The following GABRB2 variants were observed in gnomAD, a reference collection of about 807,000 sequenced individuals.
GABRB2 encodes gamma-aminobutyric acid receptor subunit beta-2.
In GABRB2, 16 loss-of-function variants were observed where a neutral mutation model predicts 54.7. The ratio of observed to expected loss-of-function variants is 0.29; its 90% CI spans 0.20 to 0.44. The LOEUF (loss-of-function observed/expected upper bound fraction) is 0.44. Among genes scored for constraint, GABRB2 ranks in the 20% least tolerant of loss-of-function variants. The probability of loss-of-function intolerance (pLI) is 1.00; values close to 1 mark genes in which losing one functional copy is unlikely to be tolerated. For synonymous variants in GABRB2, 244 were observed against 233.8 expected (o/e 1.04, Z -0.40); for missense variants, 355 against 644.0 (o/e 0.55, Z 4.86).
At chr5:161,334,384 T>C (rs1753932424) in intron 7 of GABRB2, among the ~76,000 whole-genome samples, 1 of 152,178 alleles carries the variant, frequency 6.6e-6, no homozygotes, top group South Asian at 2.1e-4. Context: ...CAACATCTTC[T>C]TGTCTTTCAT....
At chr5:161,468,133 C>CAGGT (rs1186705701) in intron 3 of GABRB2, among the ~76,000 whole-genome samples, 3 of 152,164 alleles carry the variant, frequency 2.0e-5, no homozygotes, top group African/African-American at 7.2e-5. Context: ...GCCATTGTTA[C>CAGGT]TATCTCCTTG....
At chr5:161,332,256 C>T (rs1753875130) in intron 7 of GABRB2, among the ~76,000 whole-genome samples, 1 of 150,374 alleles carries the variant, frequency 6.7e-6, no homozygotes, top group Non-Finnish European at 1.5e-5. Context: ...AAAATAACAG[C>T]AAGGGTACTG....
intron 9 of GABRB2, among the ~76,000 whole-genome samples, chr5:161,317,195 T>A (rs966210740): frequency 6.6e-6 from 1 of 152,120 alleles, no homozygotes; most frequent in Non-Finnish European, 1.5e-5. Context: ...TAACAATTAC[T>A]CAATATGAGT....
chr5:161,361,099 C>T (rs1754797004), intron 5 of GABRB2, among the ~76,000 whole-genome samples: 1 of 151,834 alleles, frequency 6.6e-6, no homozygotes. Context: ...AAAAAAGACT[C>T]AGCTTTTCTA....
intron 3 of GABRB2, among the ~76,000 whole-genome samples, chr5:161,544,846 A>G (rs1417450577): frequency 6.6e-6 from 1 of 152,128 alleles, no homozygotes; most frequent in Non-Finnish European, 1.5e-5. Flanking sequence ...TATATTCTCC[A>G]TTAAATGTCA....
At chr5:161,437,625 G>A (rs1346881445) in intron 4 of GABRB2, among the ~76,000 whole-genome samples, 1 of 152,010 alleles carries the variant, frequency 6.6e-6, no homozygotes, top group Non-Finnish European at 1.5e-5. Context: ...CCTGACACTT[G>A]GACAGCATTT....
At chr5:161,345,293 T>C (rs892856073) in intron 5 of GABRB2, among the ~76,000 whole-genome samples, 1 of 152,066 alleles carries the variant, frequency 6.6e-6, no homozygotes, top group Non-Finnish European at 1.5e-5. Flanking sequence ...GTTGATGATC[T>C]ATTTCTATGC....
chr5:161,317,815 A>C (rs905614224), intron 9 of GABRB2, among the ~76,000 whole-genome samples: 2 of 152,132 alleles, frequency 1.3e-5, no homozygotes, highest in Non-Finnish European at 2.9e-5. Context: ...AAGAATAAGA[A>C]TAGGCAATTC....
intron 4 of GABRB2, among the ~76,000 whole-genome samples, chr5:161,420,465 G>C (rs542218605): frequency 6.6e-6 from 1 of 152,156 alleles, no homozygotes; most frequent in Non-Finnish European, 1.5e-5. Context: ...TTGGACTTCC[G>C]AAACAGGCTC....
intron 8 of GABRB2, among the ~76,000 whole-genome samples, chr5:161,327,954 A>G (rs2113392349): frequency 6.6e-6 from 1 of 152,326 alleles, no homozygotes; most frequent in South Asian, 2.1e-4. Context: ...ACAGCACCGC[A>G]TAATCAGGAG....
intron 5 of GABRB2, among the ~76,000 whole-genome samples, chr5:161,388,315 A>G (rs1215647602): frequency 1.6e-4 from 24 of 152,138 alleles, no homozygotes; most frequent in Admixed American, 1.5e-3. Flanking sequence ...TGTCAATAGA[A>G]GAAGGCTTTA....
At chr5:161,386,253 C>T (rs1027253066) in intron 5 of GABRB2, among the ~76,000 whole-genome samples, 8 of 152,000 alleles carry the variant, frequency 5.3e-5, no homozygotes, top group African/African-American at 1.9e-4. Flanking sequence ...CCTAAATGAC[C>T]CTTATTGTGA....
chr5:161,418,075 A>G (rs1312221496), intron 4 of GABRB2, among the ~76,000 whole-genome samples: 1 of 152,172 alleles, frequency 6.6e-6, no homozygotes, highest in Non-Finnish European at 1.5e-5. Flanking sequence ...TATCCTCTGC[A>G]AAGAAACTGT....
At chr5:161,478,582 A>G (rs1293027591) in intron 3 of GABRB2, among the ~76,000 whole-genome samples, 1 of 152,078 alleles carries the variant, frequency 6.6e-6, no homozygotes, top group Non-Finnish European at 1.5e-5. Flanking sequence ...AAAGGTTGTT[A>G]GTTTGCTGGT....
Position 161,497,129 on chromosome 5 carries a change from A to T in GABRB2, c.238-37285T>A, listed in dbSNP as rs572774407. ...GTTCAAAGTTATTGAACCTCCCAAGATAAGTTCTATGGGAGCTCTTGCATT... is the reference window on the plus strand; with the variant it reads ...GTTCAAAGTTATTGAACCTCCCAAGTTAAGTTCTATGGGAGCTCTTGCATT... On this transcript the variant is annotated intron_variant, in intron 3 of 9. Coordinates refer to ENST00000393959, the MANE Select transcript of GABRB2 (RefSeq NM_001371727.1). 2.6e-5 allele frequency among the ~76,000 whole-genome samples: 4 copies of T among 152,242 alleles called. No homozygotes were observed. The East Asian group carries it at 7.7e-4, about 29-fold the overall frequency.
chr5:161,540,297 T>C (rs904528633), intron 3 of GABRB2, among the ~76,000 whole-genome samples: 3 of 152,202 alleles, frequency 2.0e-5, no homozygotes, highest in Non-Finnish European at 4.4e-5. Context: ...GAAACCACAT[T>C]CTTTGCTCAT....
intron 3 of GABRB2, among the ~76,000 whole-genome samples, chr5:161,529,435 G>A (rs949242400): frequency 6.6e-6 from 1 of 151,924 alleles, no homozygotes; most frequent in African/African-American, 2.4e-5. Flanking sequence ...AAATAAATGG[G>A]ATAGGAGAAA....
At chr5:161,422,838 C>T (rs1756886986) in intron 4 of GABRB2, among the ~76,000 whole-genome samples, 1 of 152,136 alleles carries the variant, frequency 6.6e-6, no homozygotes, top group Non-Finnish European at 1.5e-5. Flanking sequence ...CTTCCATAAA[C>T]TGCATGTGCC....
chr5:161,477,954 C>T (rs905127708), intron 3 of GABRB2, among the ~76,000 whole-genome samples: 1 of 151,970 alleles, frequency 6.6e-6, no homozygotes, highest in Non-Finnish European at 1.5e-5. Flanking sequence ...TAGGGACATT[C>T]GTTAATTACA....
Sources: gnomAD v4.1 joint callset for allele counts (sites outside exome capture counted in the v4.1 genomes callset) on GRCh38, gnomAD v4.1.1 for gene constraint, MANE v1.5 for transcripts, NCBI Gene and HGNC (gene_info 2026-07-23, HGNC 2026-07-21) for gene names.